Variants in NACAD observed in about 807,000 individuals in gnomAD.
NACAD encodes NAC alpha domain containing.
Under a neutral mutation model 98.9 loss-of-function variants are expected in NACAD, and 47 were observed. The observed-to-expected ratio is 0.48, with a 90% CI of 0.38 to 0.61. The LOEUF is 0.61. Ranked by LOEUF, NACAD falls within the 20% of genes least tolerant of loss-of-function variation. The pLI, the probability that NACAD is intolerant of heterozygous loss-of-function variation, is 0.00. For synonymous variants in NACAD, 696 were observed against 767.2 expected (o/e 0.91, Z 1.53); for missense variants, 1,412 against 1,748.2 (o/e 0.81, Z 3.43).
chr7:45,081,642 C>T lies in NACAD; in HGVS notation c.4216G>A (p.Ala1406Thr), dbSNP rs200858358. The change falls in exon 4 of 8, where the codon GCC (alanine) becomes ACC (threonine). Residue 1406 changes from alanine (A) to threonine (T), a missense_variant. Coordinates refer to ENST00000490531, the MANE Select transcript of NACAD (RefSeq NM_001146334.2). ...APAGGSEETI[A>T]KAKQSRSEKK... ...TCACTGCGACTCTGCTTGGCTTTGG[C>T]GATGGTCTCCTCACTGCCGCCTGCT... The T allele has an allele frequency of 1.7e-3, 2,709 of 1,551,384 alleles. 6 individuals are homozygous for T. Among genetic ancestry groups the T allele is most frequent in the Non-Finnish European group, 2.2e-3 (2,471 of 1,146,966 alleles).
At position 45,082,173 on chromosome 7, in the gene NACAD, C is replaced by G; in HGVS notation, c.4007G>C (p.Ser1336Thr). The change falls in exon 2 of 8, where the codon AGC (serine) becomes ACC (threonine). Residue 1336 changes from serine to threonine, a missense_variant. By Grantham distance (58) the Ser-to-Thr change is moderately conservative. Transcript: ENST00000490531. This position sits in a 1 kb window ranked among gnomAD's most constrained non-coding sequence, Gnocchi z 4.5. ...TGAGAGCCCTTGAGGGCCAGCTGGG[C>G]TCTGGGGCCCAGAGGGAGGAGGCAC... ...CQVPPPSGPQ[S>T]PAGPQGLSAP... The G allele has an allele frequency of 6.6e-7, 1 of 1,514,952 alleles. No homozygotes were observed. The highest frequency in any genetic ancestry group is 8.9e-7 in the Non-Finnish European group (1 of 1,128,990). 93.8% of individuals were successfully genotyped at this position (1,514,952 alleles called of 1,614,324 possible). A position where few individuals can be genotyped will look rare whatever the true frequency, so the allele number is the denominator to read the frequency against.
Position 45,084,755 on chromosome 7 carries a change from T to G in NACAD, c.1425A>C (p.Leu475Phe). The G allele has an allele frequency of 6.4e-7, 1 of 1,551,116 alleles. No homozygotes were observed. Among genetic ancestry groups the G allele is most frequent in the South Asian group, 1.2e-5 (1 of 84,006 alleles). ...ISEVTEEGLA[L>F]GQESTATVTP... is the part of the protein sequence containing the mutation. The stretch of plus-strand genomic sequence containing the variant: ...TCACAGTGGCAGTGGACTCCTGGCC[T>G]AAAGCAAGGCCCTCTTCTGTTACTT... Residue 475 changes from leucine (L) to phenylalanine (F), a missense_variant, in exon 2 of 8, where the codon TTA becomes TTC. This residue lies in a region of NACAD where 638 missense variants were observed against 722.7 expected (regional missense o/e 0.88). Transcript: ENST00000490531.
chr7:45,085,415 C>A lies in NACAD; in HGVS notation c.765G>T (p.Pro255=). 6.5e-7 allele frequency: 1 copy of A among 1,546,876 alleles called. No homozygotes were observed. The highest frequency in any genetic ancestry group is 8.7e-7 in the Non-Finnish European group (1 of 1,145,016). The change falls in exon 2 of 8, where the codon CCG becomes CCT. Residue 255 remains proline (P), a synonymous_variant. Coordinates refer to ENST00000490531, the MANE Select transcript of NACAD (RefSeq NM_001146334.2). The surrounding 1 kb of genome is among the most constrained non-coding windows in gnomAD (Gnocchi z 6.1). ...LDFPSGWGLS[P]QGSMVDEREL... is the part of the protein sequence containing the mutation. ...CTCGTTCATCCACCATGGACCCCTG[C>A]GGGGACAGGCCCCAGCCTGAGGGGA... is the stretch of plus-strand genomic sequence containing the variant.
Position 45,081,763 on chromosome 7 carries a change from G to A in NACAD, c.4177C>T (p.Pro1393Ser). 1 of 1,551,132 alleles carries A rather than the reference G, an allele frequency of 6.4e-7. No homozygotes were observed. Among genetic ancestry groups the A allele is most frequent in the Non-Finnish European group, 8.7e-7 (1 of 1,146,986 alleles). Reference protein sequence around the residue: ...DILAPQTVQCPAQAPAGGSEE... With the variant: ...DILAPQTVQCSAQAPAGGSEE... ...TTCCCTGGACTGGGCACCTGGGCTG[G>A]ACACTGCACGGTCTGAGGAGCCAAG... The change falls in exon 3 of 8, where the codon CCA becomes TCA. Residue 1393 changes from proline (P) to serine (S), a missense_variant. Physicochemically the swap from Pro to Ser is moderately conservative, Grantham distance 74. This residue lies in a region of NACAD where 572 missense variants were observed against 639.6 expected (regional missense o/e 0.89). Transcript: ENST00000490531.
At position 45,080,758 on chromosome 7, in the gene NACAD, T is replaced by G. The variant is rs1443525777; in HGVS notation, c.4556A>C (p.Asp1519Ala). ...EEEEEEEEEVDEAGLELRDIE... is the reference protein window; with the variant it reads ...EEEEEEEEEVAEAGLELRDIE... ...GTCACGCAGTTCCAGCCCCGCCTCG[T>G]CCACCTGGAGTTGGGGGAGCAGGGA... The change falls in exon 7 of 8, where the codon GAC becomes GCC. Residue 1519 changes from aspartate (D) to alanine (A), a missense_variant. Transcript: ENST00000490531. The G allele has an allele frequency of 6.4e-7, 1 of 1,550,810 alleles. No homozygotes were observed. Among genetic ancestry groups the G allele is most frequent in the African/African-American group, 1.4e-5 (1 of 73,040 alleles).
chr7:45,085,152 T>C lies in NACAD; in HGVS notation c.1028A>G (p.Asp343Gly), dbSNP rs1353492865. 4 of 1,550,512 alleles carry C rather than the reference T, an allele frequency of 2.6e-6. No individual in the cohort carries two copies. Among genetic ancestry groups the C allele is most frequent in the Non-Finnish European group, 3.5e-6 (4 of 1,146,512 alleles). Residue 343 changes from aspartate to glycine, a missense_variant, in exon 2 of 8, where the codon GAC (aspartate) becomes GGC (glycine). Coordinates refer to ENST00000490531, the MANE Select transcript of NACAD (RefSeq NM_001146334.2). The surrounding 1 kb of genome is among the most constrained non-coding windows in gnomAD (Gnocchi z 6.1). The part of the protein sequence containing the change: ...EEEEEAVADP[D>G]PGGDLAGEGE... Reference sequence around the variant, plus strand: ...CTCCCCAGCCAGGTCCCCACCTGGGTCGGGATCCGCCACAGCCTCCTCTTC... The same window carrying C: ...CTCCCCAGCCAGGTCCCCACCTGGGCCGGGATCCGCCACAGCCTCCTCTTC...
At chr7:45,087,163 G>A (rs928847073) in intron 1 of NACAD, among the ~76,000 whole-genome samples, 3 of 152,164 alleles carry the variant, frequency 2.0e-5, no homozygotes, top group East Asian at 3.8e-4. Context: ...AAACCCCTCC[G>A]AGGTTGCGGC....
In NACAD at chr7:45,088,784, G is replaced by T; in HGVS notation, c.67+44C>A. 1.4e-6 allele frequency: 2 copies of T among 1,447,884 alleles called. No homozygotes were observed. Among genetic ancestry groups the T allele is most frequent in the Non-Finnish European group, 1.8e-6 (2 of 1,096,438 alleles). The allele number at this position is 1,447,884 out of a possible 1,614,324, so 89.7% of individuals were successfully genotyped here. A position where few individuals can be genotyped will look rare whatever the true frequency, so the allele number is the denominator to read the frequency against. On this transcript the variant is annotated intron_variant, in intron 1 of 7. Coordinates refer to ENST00000490531, the MANE Select transcript of NACAD (RefSeq NM_001146334.2). This position sits in a 1 kb window ranked among gnomAD's most constrained non-coding sequence, Gnocchi z 5.7. The stretch of plus-strand genomic sequence containing the variant: ...CGATGGAAAGAGAACCCGGGCTGGA[G>T]AGGGGAGAGGCTGAAGGCAGGGAAA...
In NACAD at chr7:45,080,501, G is replaced by A. The variant is rs1417038372; in HGVS notation, c.*8C>T. On this transcript the variant is annotated 3_prime_UTR_variant, in exon 8 of 8. Transcript: ENST00000490531. ...AGGCGTAGGATGGCTCCAGCTTCCG[G>A]TCAGTGGCTACATGGTCAGTTCCTG... is the stretch of plus-strand genomic sequence containing the variant. 2 of 1,551,338 alleles carry A rather than the reference G, an allele frequency of 1.3e-6. No individual in the cohort carries two copies. Among genetic ancestry groups the A allele is most frequent in the Non-Finnish European group, 1.7e-6 (2 of 1,146,910 alleles).
In NACAD at chr7:45,082,523, C is replaced by T. The variant is rs753967557; in HGVS notation, c.3657G>A (p.Thr1219=). 3.0e-5 allele frequency: 47 copies of T among 1,549,368 alleles called. No homozygotes were observed. The highest frequency in any genetic ancestry group is 3.9e-5 in the Non-Finnish European group (45 of 1,146,712). Residue 1219 remains threonine, a synonymous_variant, in exon 2 of 8, where the codon ACG becomes ACA. Coordinates refer to ENST00000490531, the MANE Select transcript of NACAD (RefSeq NM_001146334.2). The surrounding 1 kb of genome is among the most constrained non-coding windows in gnomAD (Gnocchi z 4.5). ...CAGGGCCCAGGGGCCTGTCCACGGG[C>T]GTGCTGGGCTGACCCTTGGCAAGGT... ...PENLAKGQPS[T]PVDRPLGPDP...
Position 45,081,661 on chromosome 7 carries a change from G to A in NACAD, c.4197C>T (p.Gly1399=), listed in dbSNP as rs796253381. 5.0e-5 allele frequency: 78 copies of A among 1,551,400 alleles called. No homozygotes were observed. The highest frequency in any genetic ancestry group is 4.5e-4 in the African/African-American group (33 of 73,152). ...TVQCPAQAPA[G]GSEETIAKAK... is the part of the protein sequence containing the mutation. Reference sequence around the variant, plus strand: ...CTTTGGCGATGGTCTCCTCACTGCCGCCTGCTGGGGCCTGAGAAAAGGTGA... The same window carrying A: ...CTTTGGCGATGGTCTCCTCACTGCCACCTGCTGGGGCCTGAGAAAAGGTGA... The change falls in exon 4 of 8, where the codon GGC becomes GGT. Residue 1399 remains glycine, a synonymous_variant. Transcript: ENST00000490531.
intron 1 of NACAD, among the ~76,000 whole-genome samples, chr7:45,086,551 C>A (rs921115681): frequency 6.6e-6 from 1 of 152,224 alleles, no homozygotes; most frequent in African/African-American, 2.4e-5. Context: ...AATAGATGCG[C>A]CACATGAGGC....
In NACAD at chr7:45,082,483, CAGGAGCAGA is replaced by C. The variant is rs1306010504; in HGVS notation, c.3688_3696del (p.Ser1230_Pro1232del). The C allele has an allele frequency of 4.5e-6, 7 of 1,549,388 alleles. No homozygotes were observed. In the African/African-American group the frequency reaches 9.6e-5, roughly 21 times the overall value. Reference sequence around the variant, plus strand: ...GGTAGGGCTGCCCCAGCAAGGGTACCAGGAGCAGAAGGGTCAGGGCCCAGGGGCCTGTCC... The same window carrying C: ...GGTAGGGCTGCCCCAGCAAGGGTACCAGGGTCAGGGCCCAGGGGCCTGTCC... On this transcript the variant is annotated inframe_deletion, in exon 2 of 8. Coordinates refer to ENST00000490531, the MANE Select transcript of NACAD (RefSeq NM_001146334.2). This position sits in a 1 kb window ranked among gnomAD's most constrained non-coding sequence, Gnocchi z 4.5.
Position 45,086,172 on chromosome 7 carries a change from G to T in NACAD, c.68-60C>A, listed in dbSNP as rs1196711619. On this transcript the variant is annotated intron_variant, in intron 1 of 7. Transcript: ENST00000490531. Reference sequence around the variant, plus strand: ...GATGCATCTCCCAGGCAAGGGCCAGGCCCGGGGAGATGAATTCCGGCTGCA... The same window carrying T: ...GATGCATCTCCCAGGCAAGGGCCAGTCCCGGGGAGATGAATTCCGGCTGCA... 3 of 1,499,092 alleles carry T rather than the reference G, an allele frequency of 2.0e-6. No individual in the cohort carries two copies. In the Admixed American group the frequency reaches 6.3e-5, roughly 32 times the overall value. The allele number at this position is 1,499,092 out of a possible 1,614,324, so 92.9% of individuals were successfully genotyped here. A position where few individuals can be genotyped will look rare whatever the true frequency, so the allele number is the denominator to read the frequency against.
In NACAD at chr7:45,085,979, G is replaced by C; in HGVS notation, c.201C>G (p.Pro67=). 1 of 1,537,816 alleles carries C rather than the reference G, an allele frequency of 6.5e-7. No individual in the cohort carries two copies. The highest frequency in any genetic ancestry group is 8.8e-7 in the Non-Finnish European group (1 of 1,142,310). Residue 67 remains proline (P), a synonymous_variant, in exon 2 of 8, where the codon CCC becomes CCG. Coordinates refer to ENST00000490531, the MANE Select transcript of NACAD (RefSeq NM_001146334.2). The surrounding 1 kb of genome is among the most constrained non-coding windows in gnomAD (Gnocchi z 6.1). ...GCCCTGCATCCCAGCTGGCTCCCTCGGGCTGGGGCCGGGCACCCGGCTTGC... is the reference window on the plus strand; with the variant it reads ...GCCCTGCATCCCAGCTGGCTCCCTCCGGCTGGGGCCGGGCACCCGGCTTGC... ...LPSKPGARPQ[P]EGASWDAGPG... is the part of the protein sequence containing the mutation.
At position 45,088,807 on chromosome 7, in the gene NACAD, A is replaced by G; in HGVS notation, c.67+21T>C. 1 of 1,480,250 alleles carries G rather than the reference A, an allele frequency of 6.8e-7. No individual in the cohort carries two copies. The highest frequency in any genetic ancestry group is 8.9e-7 in the Non-Finnish European group (1 of 1,118,840). 91.7% of individuals were successfully genotyped at this position (1,480,250 alleles called of 1,614,324 possible). On this transcript the variant is annotated intron_variant, in intron 1 of 7. Coordinates refer to ENST00000490531, the MANE Select transcript of NACAD (RefSeq NM_001146334.2). This position sits in a 1 kb window ranked among gnomAD's most constrained non-coding sequence, Gnocchi z 5.7. Reference sequence around the variant, plus strand: ...GAGAGGGGAGAGGCTGAAGGCAGGGAAAGAGTGGCCACGGCCTCACCTGTG... The same window carrying G: ...GAGAGGGGAGAGGCTGAAGGCAGGGGAAGAGTGGCCACGGCCTCACCTGTG...
Position 45,082,227 on chromosome 7 carries a change from A to G in NACAD, c.3953T>C (p.Leu1318Pro), listed in dbSNP as rs1229444936. The stretch of plus-strand genomic sequence containing the variant: ...GCAAGGCGGCAAGATCTGCAAGGCC[A>G]GGTCTTTGGCATCCATGGAGGCCAC... ...PKVASMDAKD[L>P]ALQILPPCQV... The change falls in exon 2 of 8, where the codon CTG becomes CCG. Residue 1318 changes from leucine (L) to proline (P), a missense_variant. Coordinates refer to ENST00000490531, the MANE Select transcript of NACAD (RefSeq NM_001146334.2). The surrounding 1 kb of genome is among the most constrained non-coding windows in gnomAD (Gnocchi z 4.5). 6.5e-7 allele frequency: 1 copy of G among 1,545,650 alleles called. No individual in the cohort carries two copies. Among genetic ancestry groups the G allele is most frequent in the East Asian group, 2.5e-5 (1 of 40,764 alleles).
Position 45,084,936 on chromosome 7 carries a change from A to G in NACAD, c.1244T>C (p.Leu415Ser). The change falls in exon 2 of 8, where the codon TTG (leucine) becomes TCG (serine). Residue 415 changes from leucine to serine, a missense_variant. Physicochemically the swap from Leu to Ser is moderately radical, Grantham distance 145. Around this residue, in one of 5 missense-constraint regions of NACAD, gnomAD observed 638 missense variants for 722.7 expected, o/e 0.88. Transcript: ENST00000490531. Reference protein sequence around the residue: ...YSGEPHAQATLLQDSVQKTEE... With the variant: ...YSGEPHAQATSLQDSVQKTEE... ...TGTCTTCTGGACACTGTCCTGGAGC[A>G]AAGTGGCCTGGGCATGGGGCTCCCC... 6.4e-7 allele frequency: 1 copy of G among 1,551,136 alleles called. No individual in the cohort carries two copies. The highest frequency in any genetic ancestry group is 8.7e-7 in the Non-Finnish European group (1 of 1,146,968).
chr7:45,086,891 G>T (rs971631745), intron 1 of NACAD, among the ~76,000 whole-genome samples: 1 of 152,246 alleles, frequency 6.6e-6, no homozygotes, highest in African/African-American at 2.4e-5. Flanking sequence ...GCAGCCTCTG[G>T]CTGAGTCCTC....
Sources: gnomAD v4.1 joint callset for allele counts (sites outside exome capture counted in the v4.1 genomes callset) on GRCh38, gnomAD v4.1.1 for gene constraint, gnomAD v4.1.1 regional missense constraint, Gnocchi (gnomAD v3.1) non-coding constraint, MANE v1.5 for transcripts, NCBI Gene and HGNC (gene_info 2026-07-23, HGNC 2026-07-21) for gene names.